Variants in SHISA9 observed in about 807,000 individuals in gnomAD.
SHISA9 encodes the protein protein shisa-9.
A neutral mutation model predicts 38.0 loss-of-function variants in SHISA9; 13 were observed. The observed-to-expected ratio is 0.34, with a 90% confidence interval of 0.22 to 0.54. The LOEUF is 0.54. SHISA9 is among the 20% of genes least tolerant of loss of function. The probability of loss-of-function intolerance (pLI) is 0.91; values close to 1 mark genes in which losing one functional copy is unlikely to be tolerated. For synonymous variants in SHISA9, 275 were observed against 242.0 expected, an observed-to-expected ratio of 1.14 and a Z score of -1.27; for missense variants, 538 against 575.8, an observed-to-expected ratio of 0.93 and a Z score of 0.67.
the SHISA9 span, among the ~76,000 whole-genome samples, chr16:13,365,626 T>C: frequency 6.6e-6 from 1 of 151,918 alleles, no homozygotes; most frequent in Non-Finnish European, 1.5e-5. Context: ...CTGGCTAATT[T>C]TTTTATATTT....
intron 2 of SHISA9, among the ~76,000 whole-genome samples, chr16:13,187,791 G>C (rs2050842322): frequency 6.6e-6 from 1 of 152,168 alleles, no homozygotes; most frequent in South Asian, 2.1e-4. Flanking sequence ...ACTTCAGTGG[G>C]GTTGTGAGTG....
At chr16:13,452,333 AG>A in the SHISA9 span, among the ~76,000 whole-genome samples, 2 of 152,236 alleles carry the variant, frequency 1.3e-5, no homozygotes, top group African/African-American at 4.8e-5. Flanking sequence ...TGAAAATGCA[AG>A]AAAGAGCCTC....
At chr16:12,943,381 GA>G (rs2071647631) in intron 2 of SHISA9, among the ~76,000 whole-genome samples, 1 of 94,118 alleles carries the variant, frequency 1.1e-5, no homozygotes, top group East Asian at 3.0e-4. Flanking sequence ...GAGAGAGAGA[GA>G]GAGAGAGAGA....
chr16:13,399,204 G>T, the SHISA9 span, among the ~76,000 whole-genome samples: 2 of 151,692 alleles, frequency 1.3e-5, no homozygotes, highest in African/African-American at 4.8e-5. Flanking sequence ...GTGGGCTGAG[G>T]TCACACCACT....
intron 2 of SHISA9, among the ~76,000 whole-genome samples, chr16:13,117,143 T>G (rs926866724): frequency 6.6e-6 from 1 of 152,138 alleles, no homozygotes; most frequent in African/African-American, 2.4e-5. Context: ...GCCCGGCTAA[T>G]TTTTATATTT....
At chr16:13,234,476 A>C (rs566243556) in intron 4 of SHISA9, among the ~76,000 whole-genome samples, 3 of 152,242 alleles carry the variant, frequency 2.0e-5, no homozygotes, top group Admixed American at 1.3e-4. Context: ...CAGGTGTCAC[A>C]GTTGAAATGT....
intron 2 of SHISA9, among the ~76,000 whole-genome samples, chr16:13,080,783 A>G (rs1161390540): frequency 6.6e-6 from 1 of 152,254 alleles, no homozygotes; most frequent in Non-Finnish European, 1.5e-5. Flanking sequence ...TATGTGTGTT[A>G]GTCACCACAG....
chr16:12,962,680 C>G (rs1199206478), intron 2 of SHISA9, among the ~76,000 whole-genome samples: 1 of 152,220 alleles, frequency 6.6e-6, no homozygotes, highest in Non-Finnish European at 1.5e-5. Flanking sequence ...TTTGGACTTC[C>G]CAGCCTCCAG....
chr16:13,112,197 C>CAAATAAAT (rs1205398237), intron 2 of SHISA9, among the ~76,000 whole-genome samples: 1 of 151,938 alleles, frequency 6.6e-6, no homozygotes, highest in African/African-American at 2.4e-5. Flanking sequence ...TGTCAGATGC[C>CAAATAAAT]AAATAAAGCT....
the SHISA9 span, among the ~76,000 whole-genome samples, chr16:13,362,155 G>T: frequency 6.8e-6 from 1 of 147,110 alleles, no homozygotes; most frequent in Non-Finnish European, 1.5e-5. Flanking sequence ...CTTAAGCTCA[G>T]GAATTTAAGA....
intron 4 of SHISA9, among the ~76,000 whole-genome samples, chr16:13,220,684 C>T (rs1265609204): frequency 6.6e-6 from 1 of 152,172 alleles, no homozygotes; most frequent in East Asian, 1.9e-4. Context: ...AAATCTCTAT[C>T]TATATAGCAG....
chr16:12,985,622 C>T (rs1301347370), intron 2 of SHISA9, among the ~76,000 whole-genome samples: 4 of 152,134 alleles, frequency 2.6e-5, no homozygotes, highest in Non-Finnish European at 5.9e-5. Context: ...AAGAGAGGCC[C>T]CATGCTAAGA....
intron 2 of SHISA9, among the ~76,000 whole-genome samples, chr16:13,184,837 C>T (rs1596710844): frequency 6.6e-6 from 1 of 152,126 alleles, no homozygotes; most frequent in African/African-American, 2.4e-5. Context: ...TATGAATTCA[C>T]CATTGAAGGA....
chr16:13,314,916 G>A, the SHISA9 span, among the ~76,000 whole-genome samples: 9 of 152,188 alleles, frequency 5.9e-5, no homozygotes, highest in African/African-American at 2.2e-4. Flanking sequence ...TATAGAACCT[G>A]TAGTTGACAA....
the SHISA9 span, among the ~76,000 whole-genome samples, chr16:13,467,528 A>C: frequency 6.6e-6 from 1 of 152,074 alleles, no homozygotes; most frequent in Non-Finnish European, 1.5e-5. Context: ...TGCTTCTCCA[A>C]CTTGTACGTG....
At chr16:13,144,852 C>T (rs1266417894) in intron 2 of SHISA9, among the ~76,000 whole-genome samples, 1 of 152,114 alleles carries the variant, frequency 6.6e-6, no homozygotes, top group Non-Finnish European at 1.5e-5. Context: ...TGAGGCTCCT[C>T]CATCAACTTT....
At chr16:13,042,390 A>G (rs1187663315) in intron 2 of SHISA9, among the ~76,000 whole-genome samples, 7 of 152,220 alleles carry the variant, frequency 4.6e-5, no homozygotes, top group African/African-American at 1.4e-4. Flanking sequence ...GCTGCAATGA[A>G]TGGAAAATGC....
At chr16:12,990,133 A>T (rs1282363047) in intron 2 of SHISA9, among the ~76,000 whole-genome samples, 1 of 152,228 alleles carries the variant, frequency 6.6e-6, no homozygotes, top group Non-Finnish European at 1.5e-5. Flanking sequence ...ATGGCTGCAC[A>T]GTATCCCATT....
intron 2 of SHISA9, among the ~76,000 whole-genome samples, chr16:13,050,792 G>A (rs923977592): frequency 2.6e-5 from 4 of 152,150 alleles, no homozygotes; most frequent in Non-Finnish European, 5.9e-5. Context: ...CAGTCATTCT[G>A]CTTCTGTGCT....
Sources: allele counts gnomAD v4.1 joint callset (sites outside exome capture counted in the v4.1 genomes callset), GRCh38; gene constraint gnomAD v4.1.1; transcripts MANE v1.5; gene names NCBI Gene and HGNC (gene_info 2026-07-23, HGNC 2026-07-21).